TPH2: variants seen among roughly 807,000 people sequenced by gnomAD.
The protein encoded by TPH2 is tryptophan hydroxylase 2.
TPH2 carries 27 observed loss-of-function variants against 59.1 expected under a neutral mutation model. The observed-to-expected ratio is 0.46, with a 90% CI of 0.34 to 0.63. The LOEUF is 0.63. Among genes scored for constraint, TPH2 ranks in the 30% least tolerant of loss-of-function variants. TPH2 has a pLI of 0.01. For missense variants in TPH2, 523 were observed against 588.3 expected (o/e 0.89, Z 1.15); for synonymous variants, 220 against 210.5 (o/e 1.05, Z -0.39).
chr12:71,973,155 C>T (rs190389173), intron 6 of TPH2, among the ~76,000 whole-genome samples: 7 of 152,254 alleles, frequency 4.6e-5, no homozygotes, highest in Admixed American at 1.3e-4. Context: ...CTGTCAGAGA[C>T]GTTTGGACCA....
chr12:72,031,146 T>C, intron 9 of TPH2, 112 bp from the exon 10 acceptor site: 1 of 1,388,376 alleles, frequency 7.2e-7, no homozygotes, highest in South Asian at 1.2e-5. Flanking sequence ...GACTAGTAAC[T>C]GAGCAGCTCT....
chr12:72,001,561 G>T (rs899217018), intron 8 of TPH2, among the ~76,000 whole-genome samples: 9 of 151,974 alleles, frequency 5.9e-5, no homozygotes, highest in African/African-American at 1.2e-4. Context: ...GGGTAGATGG[G>T]ATTACAGGCA....
At chr12:71,984,793 C>T (rs1872383009) in intron 7 of TPH2, among the ~76,000 whole-genome samples, 1 of 152,190 alleles carries the variant, frequency 6.6e-6, no homozygotes, top group Admixed American at 6.5e-5. Flanking sequence ...AGCCGGTCAT[C>T]TGGCCTACCT....
intron 8 of TPH2, among the ~76,000 whole-genome samples, chr12:72,013,655 G>A (rs1433455246): frequency 6.6e-6 from 1 of 152,156 alleles, no homozygotes; most frequent in Non-Finnish European, 1.5e-5. Context: ...AGTAAAAACA[G>A]GAGAGATTTA....
At chr12:71,951,517 T>G (rs2139186006) in intron 5 of TPH2, among the ~76,000 whole-genome samples, 1 of 152,244 alleles carries the variant, frequency 6.6e-6, no homozygotes, top group Non-Finnish European at 1.5e-5. Flanking sequence ...TTTTTAAAAT[T>G]TACTTTTTGT....
intron 9 of TPH2, among the ~76,000 whole-genome samples, chr12:72,023,614 G>A (rs1873484380): frequency 6.6e-6 from 1 of 151,964 alleles, no homozygotes; most frequent in African/African-American, 2.4e-5. Context: ...CGGATCACCT[G>A]AGGTCAGGAG....
At position 71,979,079 on chromosome 12, in the gene TPH2, C is replaced by A. The variant is rs995555663; in HGVS notation, c.933C>A (p.Thr311=). The A allele has an allele frequency of 8.7e-6, 14 of 1,614,008 alleles. No homozygotes were observed. Among genetic ancestry groups the A allele is most frequent in the African/African-American group, 1.3e-5 (1 of 74,914 alleles). Residue 311 remains threonine, a synonymous_variant, in exon 7 of 11, where the codon ACC becomes ACA. Coordinates refer to ENST00000333850, the MANE Select transcript of TPH2 (RefSeq NM_173353.4). Reference sequence around the variant, plus strand: ...GGCATGGCTCAGATCCCCTCTACACCCCAGAACCGTGAGTACCTACATTAA... The same window carrying A: ...GGCATGGCTCAGATCCCCTCTACACACCAGAACCGTGAGTACCTACATTAA... ...YIRHGSDPLY[T]PEPDTCHELL...
rs571246621 is a variant in TPH2 at position 72,031,395 on chromosome 12, A to G, written c.1298+4A>G. ...AAGAAGCCAAAGAAAAGATGAGGTAAACTTTTTTTTCCTCCTAGCTAGAGA... is the reference window on the plus strand; with the variant it reads ...AAGAAGCCAAAGAAAAGATGAGGTAGACTTTTTTTTCCTCCTAGCTAGAGA... On this transcript the variant is annotated splice_donor_region_variant and intron_variant, in intron 10 of 10. Transcript: ENST00000333850. 2.5e-6 allele frequency: 4 copies of G among 1,613,582 alleles called. No individual in the cohort carries two copies. In the African/African-American group the frequency reaches 5.3e-5, roughly 22 times the overall value.
chr12:71,973,390 C>T (rs1566133186), intron 6 of TPH2, among the ~76,000 whole-genome samples: 1 of 152,150 alleles, frequency 6.6e-6, no homozygotes, highest in Non-Finnish European at 1.5e-5. Context: ...TCTCACTCCT[C>T]GTTATACACT....
At chr12:72,031,181 T>C (rs1450958929) in intron 9 of TPH2, 77 bp from the exon 10 acceptor site, 2 of 1,583,138 alleles carry the variant, frequency 1.3e-6, no homozygotes, top group African/African-American at 2.7e-5. Flanking sequence ...CTATCAAATG[T>C]GTTGTAAAAA....
At chr12:71,995,357 CCAGT>C (rs1460263915) in intron 8 of TPH2, among the ~76,000 whole-genome samples, 1 of 152,036 alleles carries the variant, frequency 6.6e-6, no homozygotes, top group Non-Finnish European at 1.5e-5. Flanking sequence ...CCTACAGGGA[CCAGT>C]CAGTTAGCCT....
chr12:72,002,894 G>A (rs1046947813), intron 8 of TPH2, among the ~76,000 whole-genome samples: 2 of 152,004 alleles, frequency 1.3e-5, no homozygotes, highest in African/African-American at 2.4e-5. Flanking sequence ...TGGTGGTCAT[G>A]AATCACGTGT....
intron 8 of TPH2, among the ~76,000 whole-genome samples, chr12:72,003,074 G>A (rs1270819687): frequency 6.6e-6 from 1 of 152,186 alleles, no homozygotes; most frequent in Non-Finnish European, 1.5e-5. Flanking sequence ...GAGGATATTA[G>A]CTTGTTTCCT....
At position 71,944,326 on chromosome 12, in the gene TPH2, C is replaced by G; in HGVS notation, c.288C>G (p.Ser96=). 1 of 1,613,728 alleles carries G rather than the reference C, an allele frequency of 6.2e-7. No individual in the cohort carries two copies. The highest frequency in any genetic ancestry group is 8.5e-7 in the Non-Finnish European group (1 of 1,179,800). ...EKRVNMVHIE[S]RKSRRRSSEV... is the part of the protein sequence containing the mutation. ...GTGTCAACATGGTTCATATTGAATC[C>G]AGGAAATCTCGGCGAAGAAGTTCTG... The change falls in exon 3 of 11, where the codon TCC becomes TCG. Residue 96 remains serine, a synonymous_variant. Coordinates refer to ENST00000333850, the MANE Select transcript of TPH2 (RefSeq NM_173353.4).
At chr12:72,008,201 T>C (rs1404260030) in intron 8 of TPH2, among the ~76,000 whole-genome samples, 1 of 152,172 alleles carries the variant, frequency 6.6e-6, no homozygotes, top group African/African-American at 2.4e-5. Flanking sequence ...GCAGTCAAAT[T>C]GGTAAATTTT....
chr12:71,999,134 G>A (rs12229394), intron 8 of TPH2, among the ~76,000 whole-genome samples: 45,071 of 152,048 alleles, frequency 0.3, 6,915 homozygotes, highest in East Asian at 0.49. Flanking sequence ...GAACTTCTTG[G>A]TCTGATTTTC....
chr12:71,952,628 T>G (rs1451445157), intron 5 of TPH2, among the ~76,000 whole-genome samples: 1 of 152,128 alleles, frequency 6.6e-6, no homozygotes, highest in East Asian at 1.9e-4. Flanking sequence ...CTCCCCTGGA[T>G]GGTGCTGAGC....
At chr12:71,998,270 A>G (rs1461828402) in intron 8 of TPH2, among the ~76,000 whole-genome samples, 2 of 152,128 alleles carry the variant, frequency 1.3e-5, no homozygotes, top group African/African-American at 2.4e-5. Flanking sequence ...AATTTTCCCA[A>G]TTCTATAGGC....
At chr12:72,002,464 A>G (rs11830809) in intron 8 of TPH2, among the ~76,000 whole-genome samples, 1 of 152,232 alleles carries the variant, frequency 6.6e-6, no homozygotes, top group Non-Finnish European at 1.5e-5. Flanking sequence ...GGGTGGAAGA[A>G]CCGTGGCTAC....
Sources: allele counts gnomAD v4.1 joint callset (sites outside exome capture counted in the v4.1 genomes callset), GRCh38; gene constraint gnomAD v4.1.1; transcripts MANE v1.5; gene names NCBI Gene and HGNC (gene_info 2026-07-23, HGNC 2026-07-21).